Variants in SNTG1 observed in about 807,000 individuals in gnomAD.
The protein encoded by SNTG1 is gamma-1-syntrophin.
A neutral mutation model predicts 74.7 loss-of-function variants in SNTG1; 39 were observed. That is an observed-to-expected ratio of 0.52 (90% CI 0.40 to 0.68). The LOEUF is 0.68. Ranked by LOEUF, SNTG1 falls within the 30% of genes least tolerant of loss-of-function variation. The probability of loss-of-function intolerance (pLI) is 0.00; values close to 1 mark genes in which losing one functional copy is unlikely to be tolerated. For synonymous variants in SNTG1, 254 were observed against 217.1 expected (o/e 1.17, Z -1.49); for missense variants, 685 against 609.5 (o/e 1.12, Z -1.30).
intron 18 of SNTG1, among the ~76,000 whole-genome samples, chr8:50,790,483 A>G (rs2095687836): frequency 6.6e-6 from 1 of 151,954 alleles, no homozygotes; most frequent in African/African-American, 2.4e-5. Context: ...ATAGATGTTC[A>G]TCATCAGTGG....
rs964626716 is a variant in SNTG1, at chr8:49,963,977, A to G, written c.-103+51746A>G. On this transcript the variant is annotated intron_variant, in intron 1 of 18. Transcript: ENST00000642720. ...CTTGCATCAAATCCATTAAATTCCC[A>G]GAAGTTATTTTCAACTCCACCCAAG... is the stretch of plus-strand genomic sequence containing the variant. Among the ~76,000 whole-genome samples, 38 of 152,218 alleles carry G rather than the reference A, an allele frequency of 2.5e-4. 2 individuals are homozygous for G. The highest frequency in any genetic ancestry group is 6.5e-4 in the Admixed American group (10 of 15,276).
chr8:50,681,341 G>T (rs2095330112), intron 15 of SNTG1, among the ~76,000 whole-genome samples: 1 of 151,908 alleles, frequency 6.6e-6, no homozygotes, highest in Admixed American at 6.6e-5. Flanking sequence ...AGGAGAGAGG[G>T]ATGTGTTTTA....
At chr8:50,515,762 C>T (rs920671854) in intron 9 of SNTG1, among the ~76,000 whole-genome samples, 5 of 152,160 alleles carry the variant, frequency 3.3e-5, no homozygotes, top group Non-Finnish European at 7.4e-5. Flanking sequence ...GATTCCTCCT[C>T]TTTGAGCAGG....
intron 1 of SNTG1, among the ~76,000 whole-genome samples, chr8:49,938,838 A>G (rs574636713): frequency 6.6e-6 from 1 of 151,750 alleles, no homozygotes; most frequent in South Asian, 2.1e-4. Flanking sequence ...CTTGTTCTAG[A>G]TGTTGCTCTT....
intron 15 of SNTG1, among the ~76,000 whole-genome samples, chr8:50,696,558 G>T (rs2095406016): frequency 6.6e-6 from 1 of 151,922 alleles, no homozygotes; most frequent in South Asian, 2.1e-4. Context: ...TTTCTTCTAG[G>T]ATATTAATAG....
At chr8:50,781,404 T>C (rs1037508084) in intron 18 of SNTG1, among the ~76,000 whole-genome samples, 6 of 152,156 alleles carry the variant, frequency 3.9e-5, no homozygotes, top group African/African-American at 7.2e-5. Flanking sequence ...TGGGTGCATA[T>C]ATATTTAGGA....
intron 1 of SNTG1, among the ~76,000 whole-genome samples, chr8:50,070,407 A>C (rs955970319): frequency 6.6e-6 from 1 of 152,198 alleles, no homozygotes; most frequent in Non-Finnish European, 1.5e-5. Flanking sequence ...CTAAAAACTA[A>C]AAGCATTTTG....
At chr8:50,691,603 T>C (rs2095379793) in intron 15 of SNTG1, among the ~76,000 whole-genome samples, 1 of 152,254 alleles carries the variant, frequency 6.6e-6, no homozygotes, top group South Asian at 2.1e-4. Context: ...TTGTAGAGTT[T>C]CTGCCGAGAG....
At chr8:49,983,545 C>G (rs1463731280) in intron 1 of SNTG1, among the ~76,000 whole-genome samples, 2 of 152,112 alleles carry the variant, frequency 1.3e-5, no homozygotes, top group African/African-American at 2.4e-5. Flanking sequence ...GAGATCACAG[C>G]TTACATAACC....
intron 2 of SNTG1, among the ~76,000 whole-genome samples, chr8:50,314,690 T>G (rs1272392282): frequency 6.7e-6 from 1 of 150,226 alleles, no homozygotes; most frequent in Non-Finnish European, 1.5e-5. Context: ...ATTTCATGAA[T>G]CTGAAATGAT....
At position 49,914,293 on chromosome 8, in the gene SNTG1, T is replaced by C. The variant is rs970911883; in HGVS notation, c.-103+2062T>C. 2.0e-5 allele frequency among the ~76,000 whole-genome samples: 3 copies of C among 152,202 alleles called. No individual in the cohort carries two copies. In the East Asian group the frequency reaches 5.8e-4, roughly 29 times the overall value. On this transcript the variant is annotated intron_variant, in intron 1 of 18. Coordinates refer to ENST00000642720, the MANE Select transcript of SNTG1 (RefSeq NM_018967.5). ...GGGCATCTATTTGCTTTGATAGTTATTTTGTTTTGCTAAAGAAAAAGGATG... is the reference window on the plus strand; with the variant it reads ...GGGCATCTATTTGCTTTGATAGTTACTTTGTTTTGCTAAAGAAAAAGGATG...
chr8:50,257,165 T>C (rs2086924226), intron 2 of SNTG1, among the ~76,000 whole-genome samples: 1 of 152,080 alleles, frequency 6.6e-6, no homozygotes, highest in Admixed American at 6.5e-5. Context: ...GAGGCAGGCA[T>C]GGTTAAAATT....
At chr8:50,073,046 T>A (rs2131015970) in intron 1 of SNTG1, among the ~76,000 whole-genome samples, 1 of 152,244 alleles carries the variant, frequency 6.6e-6, no homozygotes, top group African/African-American at 2.4e-5. Context: ...GGTGGGGCAA[T>A]TTTCTAAAAT....
At chr8:50,054,896 C>A (rs1288585815) in intron 1 of SNTG1, among the ~76,000 whole-genome samples, 2 of 152,112 alleles carry the variant, frequency 1.3e-5, no homozygotes, top group Admixed American at 6.6e-5. Flanking sequence ...AGGCTAGTCT[C>A]AAACTGCTGG....
chr8:50,315,271 C>A (rs917731438), intron 2 of SNTG1, among the ~76,000 whole-genome samples: 1 of 149,330 alleles, frequency 6.7e-6, no homozygotes, highest in Non-Finnish European at 1.5e-5. Flanking sequence ...ATGTTGGCTA[C>A]GGAAAAGGAA....
chr8:50,153,216 A>C (rs2082132318), intron 1 of SNTG1, among the ~76,000 whole-genome samples: 1 of 152,182 alleles, frequency 6.6e-6, no homozygotes, highest in African/African-American at 2.4e-5. Context: ...AAGCTTGTGC[A>C]TGCATCAAAT....
chr8:50,644,244 A>AAAAT (rs2095092684), intron 13 of SNTG1: 1 of 152,228 alleles, frequency 6.6e-6, no homozygotes, highest in South Asian at 2.1e-4. Flanking sequence ...GTGAAACATG[A>AAAAT]AAATGATTGT....
intron 2 of SNTG1, among the ~76,000 whole-genome samples, chr8:50,211,791 G>A (rs1415168239): frequency 6.6e-6 from 1 of 152,006 alleles, no homozygotes; most frequent in Non-Finnish European, 1.5e-5. Context: ...GATCAAAGAA[G>A]GTTTACATTT....
intron 2 of SNTG1, among the ~76,000 whole-genome samples, chr8:50,261,691 A>T (rs1451829573): frequency 6.6e-6 from 1 of 152,284 alleles, no homozygotes; most frequent in South Asian, 2.1e-4. Context: ...AAAGCAGTAC[A>T]TTATAATTTG....
Sources: gnomAD v4.1 joint callset for allele counts (sites outside exome capture counted in the v4.1 genomes callset) on GRCh38, gnomAD v4.1.1 for gene constraint, MANE v1.5 for transcripts, NCBI Gene and HGNC (gene_info 2026-07-23, HGNC 2026-07-21) for gene names.